Variants in PDXDC1 observed in about 807,000 individuals in gnomAD.
PDXDC1 encodes pyridoxal-dependent decarboxylase domain-containing protein 1.
PDXDC1 carries 42 observed loss-of-function variants against 100.1 expected under a neutral mutation model. The ratio of observed to expected loss-of-function variants is 0.42; its 90% CI spans 0.33 to 0.54. PDXDC1 has a LOEUF of 0.54. PDXDC1 is among the 20% of genes least tolerant of loss of function. The pLI, the probability that PDXDC1 is intolerant of heterozygous loss-of-function variation, is 0.10. For missense variants in PDXDC1, 636 were observed against 979.2 expected, an observed-to-expected ratio of 0.65 and a Z score of 4.68; for synonymous variants, 260 against 371.7, an observed-to-expected ratio of 0.70 and a Z score of 3.46.
intron 16 of PDXDC1, chr16:15,063,328 C>A (rs765564115): frequency 1.7e-5 from 24 of 1,448,510 alleles, no homozygotes; most frequent in Non-Finnish European, 2.9e-6. Flanking sequence ...AATACTTCGG[C>A]AGAAGTCAAA....
At chr16:15,130,207 A>T in intron 16 of PDXDC1, 2 of 1,548,698 alleles carry the variant, frequency 1.3e-6, no homozygotes, top group Non-Finnish European at 1.7e-6. Flanking sequence ...CTCACAGGAA[A>T]CACAAAGCGT....
rs1190196559 is a variant in PDXDC1 at position 15,037,866 on chromosome 16, A to ATAAGGTTTTATTTTGAAAGTCATTT, written c.*1592_*1616dup. ...AGTCTCAACAAATGCCTTTGCCAAA[A>ATAAGGTTTTATTTTGAAAGTCATTT]TAAGGTTTTATTTTGAAAGTCATTT... On this transcript the variant is annotated 3_prime_UTR_variant, in exon 23 of 23. Transcript: ENST00000396410. 1.9e-6 allele frequency: 1 copy of ATAAGGTTTTATTTTGAAAGTCATTT among 536,822 alleles called. No homozygotes were observed. The highest frequency in any genetic ancestry group is 3.3e-6 in the Non-Finnish European group (1 of 305,532). 33.3% of individuals were successfully genotyped at this position (536,822 alleles called of 1,614,324 possible).
At chr16:15,091,499 G>A (rs2046128102) in intron 16 of PDXDC1, 2 of 671,376 alleles carry the variant, frequency 3.0e-6, no homozygotes, top group East Asian at 5.8e-5. Context: ...CATGTCAATT[G>A]CGGATTATAA....
At chr16:15,015,838 A>G in intron 8 of PDXDC1, 2 of 569,860 alleles carry the variant, frequency 3.5e-6, no homozygotes, top group Non-Finnish European at 5.8e-6. Context: ...TTGGTGGGAG[A>G]TTTGAATATA....
intron 16 of PDXDC1, chr16:15,127,466 C>G: frequency 5.8e-6 from 9 of 1,562,122 alleles, no homozygotes; most frequent in Non-Finnish European, 7.8e-6. Flanking sequence ...CAGCCCCAGC[C>G]CACCTTGCTC....
intron 16 of PDXDC1, among the ~76,000 whole-genome samples, chr16:15,124,030 G>C (rs564406486): frequency 6.6e-6 from 1 of 152,156 alleles, no homozygotes; most frequent in African/African-American, 2.4e-5. Flanking sequence ...ACCCAAATGA[G>C]GGGGAGAAAA....
chr16:15,125,899 C>T lies in PDXDC1; in HGVS notation c.1400-12980C>T, dbSNP rs1236092842. On this transcript the variant is annotated intron_variant, in intron 16 of 16. Coordinates refer to the PDXDC1 transcript ENST00000535621. ...ACCTCCTCAGCAGACAGGACAGAGC[C>T]CGGTGCCATCTGACAGAATGTCCTA... 5 of 694,110 alleles carry T rather than the reference C, an allele frequency of 7.2e-6. No individual in the cohort carries two copies. The Admixed American group carries it at 1.0e-4, about 14-fold the overall frequency. 43.0% of individuals were successfully genotyped at this position (694,110 alleles called of 1,614,324 possible). A position where few individuals can be genotyped will look rare whatever the true frequency, so the allele number is the denominator to read the frequency against.
intron 16 of PDXDC1, among the ~76,000 whole-genome samples, chr16:15,096,372 G>T (rs577717880): frequency 2.0e-5 from 3 of 152,150 alleles, no homozygotes; most frequent in Non-Finnish European, 4.4e-5. Context: ...GCATCCCAAA[G>T]TGCTGGGATT....
At chr16:15,010,688 G>A (rs2041188099) in intron 8 of PDXDC1, among the ~76,000 whole-genome samples, 1 of 152,270 alleles carries the variant, frequency 6.6e-6, no homozygotes, top group African/African-American at 2.4e-5. Context: ...AGATTAGAAA[G>A]GAAGAAATAA....
In PDXDC1 at chr16:15,125,673, C is replaced by A. The variant is rs540006550; in HGVS notation, c.1400-13206C>A. The A allele has an allele frequency of 3.3e-4, 447 of 1,341,912 alleles. 1 individual carries two copies. The highest frequency in any genetic ancestry group is 4.1e-4 in the Non-Finnish European group (380 of 933,554). 83.1% of individuals were successfully genotyped at this position (1,341,912 alleles called of 1,614,324 possible). A position where few individuals can be genotyped will look rare whatever the true frequency, so the allele number is the denominator to read the frequency against. On this transcript the variant is annotated intron_variant, in intron 16 of 16. Coordinates refer to the PDXDC1 transcript ENST00000535621. The stretch of plus-strand genomic sequence containing the variant: ...CAGGACCCCCAGCCCAGCCCAGGAC[C>A]CCCAGTAGAGCCCTCACCTCAGCGT...
Position 15,117,526 on chromosome 16 carries a change from C to T in PDXDC1, c.1400-21353C>T, listed in dbSNP as rs544766877. Among the ~76,000 whole-genome samples, 1,439 of 151,524 alleles carry T rather than the reference C, an allele frequency of 9.5e-3. 12 individuals carry two copies. Among genetic ancestry groups the T allele is most frequent in the Non-Finnish European group, 0.016 (1,085 of 67,888 alleles). On this transcript the variant is annotated intron_variant, in intron 16 of 16. Transcript: ENST00000535621. ...ACAAAAATTAGCCAGGCGTGGTGGT[C>T]TACTAAAAATACACAAATTAGCTGG... is the stretch of plus-strand genomic sequence containing the variant.
Position 15,036,403 on chromosome 16 carries a change from C to A in PDXDC1, c.*128C>A. ...TTTGTGCTTCACTGGGATTTTGGCACAAATATGTGCCTGAAAGGTAGGCTT... is the reference window on the plus strand; with the variant it reads ...TTTGTGCTTCACTGGGATTTTGGCAAAAATATGTGCCTGAAAGGTAGGCTT... On this transcript the variant is annotated 3_prime_UTR_variant, in exon 23 of 23. Coordinates refer to ENST00000396410, the MANE Select transcript of PDXDC1 (RefSeq NM_015027.4). The A allele has an allele frequency of 1.1e-6, 1 of 928,008 alleles. No homozygotes were observed. Among genetic ancestry groups the A allele is most frequent in the Non-Finnish European group, 1.6e-6 (1 of 612,530 alleles). The allele number at this position is 928,008 out of a possible 1,614,324, so 57.5% of individuals were successfully genotyped here.
At chr16:15,085,787 A>G (rs940086758) in intron 16 of PDXDC1, 3 of 1,537,886 alleles carry the variant, frequency 2.0e-6, no homozygotes, top group African/African-American at 2.8e-5. Context: ...TAGACAATGA[A>G]CAGCTATAAA....
chr16:15,130,987 A>T, intron 16 of PDXDC1: 1 of 840,402 alleles, frequency 1.2e-6, no homozygotes, highest in Non-Finnish European at 1.9e-6. Flanking sequence ...TGAAACAGAA[A>T]GCAAATTTCA....
In PDXDC1 at chr16:15,133,082, G is replaced by A. The variant is rs1224252053; in HGVS notation, c.1400-5797G>A. ...GGGGGCTGCATTGTGGAAAGCAGACGCCGGAGAGGGCCCGGTGGGTGTGGC... is the reference window on the plus strand; with the variant it reads ...GGGGGCTGCATTGTGGAAAGCAGACACCGGAGAGGGCCCGGTGGGTGTGGC... On this transcript the variant is annotated intron_variant, in intron 16 of 16. Transcript: ENST00000535621. The A allele has an allele frequency of 1.2e-4, 77 of 623,054 alleles. No homozygotes were observed. The South Asian group carries it at 1.4e-3, about 11-fold the overall frequency. The allele number at this position is 623,054 out of a possible 1,614,324, so 38.6% of individuals were successfully genotyped here.
In PDXDC1 at chr16:14,978,463, C is replaced by T. The variant is rs571021264; in HGVS notation, c.21+3243C>T. ...GGAGAGCCGTGGTACAATCTCGGCT[C>T]ACTGCAACGTCCGTCTCCAGGGCTC... On this transcript the variant is annotated intron_variant, in intron 1 of 22. Transcript: ENST00000396410. 3.3e-5 allele frequency among the ~76,000 whole-genome samples: 5 copies of T among 152,424 alleles called. No homozygotes were observed. The South Asian group carries it at 1.0e-3, about 32-fold the overall frequency.
intron 16 of PDXDC1, among the ~76,000 whole-genome samples, chr16:15,054,380 G>C (rs893332774): frequency 2.6e-5 from 4 of 152,174 alleles, no homozygotes; most frequent in African/African-American, 9.7e-5. Context: ...CCACACTTAA[G>C]TGTGCAGCCC....
Position 15,036,017 on chromosome 16 carries a change from C to T in PDXDC1, c.2109C>T (p.Gly703=), listed in dbSNP as rs767767399. The T allele has an allele frequency of 2.5e-6, 4 of 1,611,818 alleles. No individual in the cohort carries two copies. The highest frequency in any genetic ancestry group is 2.5e-6 in the Non-Finnish European group (3 of 1,178,774). ...GCAGTCTGTCTGCCCTTTCTGTAGG[C>T]CAGAAGCCTTTTAAAAGGTCCCTGC... is the stretch of plus-strand genomic sequence containing the variant. ...SGSRTKQRLP[G]QKPFKRSLRG... is the part of the protein sequence containing the mutation. The change falls in exon 23 of 23, where the codon GGC becomes GGT. Residue 703 remains glycine (G), a splice_region_variant and synonymous_variant. Coordinates refer to ENST00000396410, the MANE Select transcript of PDXDC1 (RefSeq NM_015027.4).
At chr16:14,981,190 A>G (rs1303773948) in intron 1 of PDXDC1, among the ~76,000 whole-genome samples, 1 of 152,308 alleles carries the variant, frequency 6.6e-6, no homozygotes, top group Non-Finnish European at 1.5e-5. Context: ...AATTGTAAAT[A>G]TAATGCAAAC....
Sources: allele counts gnomAD v4.1 joint callset (sites outside exome capture counted in the v4.1 genomes callset), GRCh38; gene constraint gnomAD v4.1.1; transcripts MANE v1.5; gene names NCBI Gene and HGNC (gene_info 2026-07-23, HGNC 2026-07-21).